ST8SIA5: variants seen among roughly 807,000 people sequenced by gnomAD.
ST8SIA5 encodes ST8 alpha-N-acetyl-neuraminide alpha-2,8-sialyltransferase 5.
ST8SIA5 carries 24 observed loss-of-function variants against 40.2 expected under a neutral mutation model. The ratio of observed to expected loss-of-function variants is 0.60; its 90% CI spans 0.43 to 0.84. ST8SIA5 has a LOEUF of 0.84. Among genes scored for constraint, ST8SIA5 ranks in the 40% least tolerant of loss-of-function variants. The probability of loss-of-function intolerance (pLI) is 0.00; values close to 1 mark genes in which losing one functional copy is unlikely to be tolerated. For missense variants in ST8SIA5, 465 were observed against 498.5 expected (o/e 0.93, Z 0.64); for synonymous variants, 198 against 201.8 (o/e 0.98, Z 0.16).
Position 46,673,959 on chromosome 18 carries a change from GTGTTGA to G in ST8SIA5, c.*6077_*6082del, listed in dbSNP as rs1568244139. On this transcript the variant is annotated 3_prime_UTR_variant, in exon 7 of 7. Transcript: ENST00000315087. ...CAGGGAGGAGACTAGGTCAGGGCGTGTGTTGAGCTCAGAGAAGCAGCACCTTTTTTC... is the reference window on the plus strand; with the variant it reads ...CAGGGAGGAGACTAGGTCAGGGCGTGGCTCAGAGAAGCAGCACCTTTTTTC... The G allele has an allele frequency of 2.6e-5, 4 of 152,206 alleles. No individual in the cohort carries two copies. Among genetic ancestry groups the G allele is most frequent in the African/African-American group, 9.6e-5 (4 of 41,460 alleles). 9.4% of individuals were successfully genotyped at this position (152,206 alleles called of 1,614,324 possible). A position where few individuals can be genotyped will look rare whatever the true frequency, so the allele number is the denominator to read the frequency against.
At chr18:46,723,651 C>T (rs756184496) in intron 1 of ST8SIA5, among the ~76,000 whole-genome samples, 31 of 152,130 alleles carry the variant, frequency 2.0e-4, no homozygotes, top group Non-Finnish European at 4.1e-4. Context: ...GAAGGCCAAG[C>T]GTAGTGGCTC....
chr18:46,725,185 C>A (rs757238698), intron 1 of ST8SIA5, among the ~76,000 whole-genome samples: 1 of 152,164 alleles, frequency 6.6e-6, no homozygotes, highest in East Asian at 1.9e-4. Context: ...CGAGGGCTAA[C>A]TCTAAATGCT....
chr18:46,698,265 A>G (rs1209452945), intron 2 of ST8SIA5, among the ~76,000 whole-genome samples: 1 of 152,134 alleles, frequency 6.6e-6, no homozygotes, highest in Non-Finnish European at 1.5e-5. Flanking sequence ...CCAACAATCC[A>G]CAACACCAAT....
At chr18:46,745,561 T>A (rs1185029498) in intron 1 of ST8SIA5, among the ~76,000 whole-genome samples, 1 of 152,154 alleles carries the variant, frequency 6.6e-6, no homozygotes, top group African/African-American at 2.4e-5. Flanking sequence ...GTTCTGATAT[T>A]GAGGCAATAA....
intron 2 of ST8SIA5, among the ~76,000 whole-genome samples, chr18:46,695,900 C>T (rs184204363): frequency 6.6e-6 from 1 of 152,342 alleles, no homozygotes; most frequent in East Asian, 1.9e-4. Flanking sequence ...AACAAAACAA[C>T]CCCTTGCTTC....
chr18:46,725,042 AGG>A (rs1568270565), intron 1 of ST8SIA5, among the ~76,000 whole-genome samples: 3 of 150,712 alleles, frequency 2.0e-5, no homozygotes, highest in Non-Finnish European at 4.4e-5. Context: ...GAAGGAAGGA[AGG>A]AAGGAAAAGA....
chr18:46,741,501 G>A (rs1040347966), intron 1 of ST8SIA5, among the ~76,000 whole-genome samples: 1 of 152,254 alleles, frequency 6.6e-6, no homozygotes, highest in African/African-American at 2.4e-5. Context: ...TCATTACAGA[G>A]AATAAAGTTT....
chr18:46,735,880 T>G (rs1346501720), intron 1 of ST8SIA5, among the ~76,000 whole-genome samples: 1 of 152,100 alleles, frequency 6.6e-6, no homozygotes. Flanking sequence ...CCCAAAGTGC[T>G]AGGATTACAG....
intron 1 of ST8SIA5, among the ~76,000 whole-genome samples, chr18:46,710,443 TTTTC>T (rs1241466248): frequency 1.4e-5 from 2 of 145,168 alleles, no homozygotes; most frequent in African/African-American, 5.1e-5. Context: ...TTCTTTTTCT[TTTTC>T]TTTCTCTCTT....
intron 1 of ST8SIA5, among the ~76,000 whole-genome samples, chr18:46,743,720 A>G (rs1015342970): frequency 1.3e-5 from 2 of 149,060 alleles, no homozygotes; most frequent in African/African-American, 4.8e-5. Context: ...GAGAACACCA[A>G]AAAGATACTC....
intron 2 of ST8SIA5, 22 bp from the exon 3 acceptor site, chr18:46,692,277 A>C: frequency 6.2e-7 from 1 of 1,611,572 alleles, no homozygotes; most frequent in Non-Finnish European, 8.5e-7. Context: ...AGGACAGAAG[A>C]GTACATGAGC....
In ST8SIA5 at chr18:46,725,891, T is replaced by C. The variant is rs1171488816; in HGVS notation, c.132-21227A>G. ...ATCCCAGCACTTTGGTAGGCCATGG[T>C]GGGAGGATCACTTGAGGTCAGGAGT... On this transcript the variant is annotated intron_variant, in intron 1 of 6. Transcript: ENST00000315087. Among the ~76,000 whole-genome samples, 3 of 142,938 alleles carry C rather than the reference T, an allele frequency of 2.1e-5. No individual in the cohort carries two copies. The Admixed American group carries it at 2.1e-4, about 10-fold the overall frequency. 93.8% of individuals were successfully genotyped at this position (142,938 alleles called of 152,430 possible).
At chr18:46,699,669 G>A (rs913490818) in intron 2 of ST8SIA5, among the ~76,000 whole-genome samples, 1 of 152,116 alleles carries the variant, frequency 6.6e-6, no homozygotes, top group Non-Finnish European at 1.5e-5. Context: ...ATGAGCCACC[G>A]CGCCCAGCCT....
Position 46,680,073 on chromosome 18 carries a change from C to T in ST8SIA5, c.1100G>A (p.Arg367His), listed in dbSNP as rs1481516274. ...GCAGCTGCAGGTGCCCGTGTGCACG[C>T]GGAGGATGCCTCGGCTGTGCAAGTG... The part of the protein sequence containing the change: ...FLHLHSRGIL[R>H]VHTGTCSCC Residue 367 changes from arginine to histidine, a missense_variant, in exon 7 of 7, where the codon CGC becomes CAC. By Grantham distance (29) the Arg-to-His change is conservative. Transcript: ENST00000315087. 4 of 1,612,326 alleles carry T rather than the reference C, an allele frequency of 2.5e-6. No individual in the cohort carries two copies. The highest frequency in any genetic ancestry group is 1.7e-6 in the Non-Finnish European group (2 of 1,179,008).
chr18:46,745,870 G>A (rs1446004776), intron 1 of ST8SIA5, among the ~76,000 whole-genome samples: 7 of 152,138 alleles, frequency 4.6e-5, no homozygotes, highest in African/African-American at 1.7e-4. Context: ...TATCCACCAC[G>A]ATCAAGTGGG....
chr18:46,716,674 C>T (rs2039794965), intron 1 of ST8SIA5, among the ~76,000 whole-genome samples: 1 of 152,226 alleles, frequency 6.6e-6, no homozygotes, highest in African/African-American at 2.4e-5. Context: ...CCTGGAGATG[C>T]TCGCACAGGT....
chr18:46,695,086 G>C (rs543509195), intron 2 of ST8SIA5, among the ~76,000 whole-genome samples: 1 of 151,486 alleles, frequency 6.6e-6, no homozygotes, highest in African/African-American at 2.4e-5. Flanking sequence ...TTGAACCCAG[G>C]AGGTGGAGGT....
Position 46,680,404 on chromosome 18 carries a change from C to A in ST8SIA5, c.769G>T (p.Val257Leu). The change falls in exon 7 of 7, where the codon GTG (valine) becomes TTG (leucine). Residue 257 changes from valine to leucine, a missense_variant. Transcript: ENST00000315087. Reference sequence around the variant, plus strand: ...AGCACGTACTTGACGCGGATGGACACGTCGGTGTTGCGCGTGTTGTAGAAG... The same window carrying A: ...AGCACGTACTTGACGCGGATGGACAAGTCGGTGTTGCGCGTGTTGTAGAAG... ...PAFYNTRNTD[V>L]SIRVKYVLDD... is the part of the protein sequence containing the mutation. 1 of 1,613,656 alleles carries A rather than the reference C, an allele frequency of 6.2e-7. No homozygotes were observed. Among genetic ancestry groups the A allele is most frequent in the Non-Finnish European group, 8.5e-7 (1 of 1,179,778 alleles).
At chr18:46,688,949 C>G in intron 3 of ST8SIA5, 30 bp from the exon 4 acceptor site, 1 of 1,596,272 alleles carries the variant, frequency 6.3e-7, no homozygotes, top group African/African-American at 1.3e-5. Context: ...GCAGGAAAGA[C>G]GTGATGCAGG....
Sources: allele counts gnomAD v4.1 joint callset (sites outside exome capture counted in the v4.1 genomes callset), GRCh38; gene constraint gnomAD v4.1.1; transcripts MANE v1.5; gene names NCBI Gene and HGNC (gene_info 2026-07-23, HGNC 2026-07-21).